Variants in EIF4G2 observed in about 807,000 individuals in gnomAD.
EIF4G2 encodes DAP-5.
In EIF4G2, 8 loss-of-function variants were observed where a neutral mutation model predicts 117.7. The ratio of observed to expected loss-of-function variants is 0.07; its 90% CI spans 0.04 to 0.12. The LOEUF (loss-of-function observed/expected upper bound fraction) is 0.12, where lower values mean the gene tolerates loss of function less well. Ranked by LOEUF, EIF4G2 falls within the 10% of genes least tolerant of loss-of-function variation. The pLI, the probability that EIF4G2 is intolerant of heterozygous loss-of-function variation, is 1.00. For synonymous variants in EIF4G2, 413 were observed against 367.8 expected, an observed-to-expected ratio of 1.12 and a Z score of -1.41; for missense variants, 812 against 1,086.2, an observed-to-expected ratio of 0.75 and a Z score of 3.55.
intron 11 of EIF4G2, 61 bp downstream of exon 11, chr11:10,802,969 A>C: frequency 6.7e-7 from 1 of 1,488,364 alleles, no homozygotes; most frequent in Non-Finnish European, 9.2e-7. Flanking sequence ...GTGAGGAGGA[A>C]ACCCATTCTA....
chr11:10,799,504 T>G, intron 19 of EIF4G2, 48 bp downstream of exon 19: 1 of 1,609,556 alleles, frequency 6.2e-7, no homozygotes, highest in Non-Finnish European at 8.5e-7. Flanking sequence ...CTACGCTTCT[T>G]TTCCAGTACA....
In EIF4G2 at chr11:10,802,388, A is replaced by G; in HGVS notation, c.1044T>C (p.Ser348=). ...TGAACGGTCCCTCCAGAAAGAAGTC[A>G]CTTCTCATCCCTTGAGCCATAGGAG... Residue 348 remains serine, a synonymous_variant, in exon 12 of 22, where the codon AGT becomes AGC. Coordinates refer to ENST00000339995, the MANE Select transcript of EIF4G2 (RefSeq NM_001418.4). The G allele has an allele frequency of 6.2e-7, 1 of 1,613,664 alleles. No homozygotes were observed. Among genetic ancestry groups the G allele is most frequent in the South Asian group, 1.1e-5 (1 of 90,974 alleles).
intron 3 of EIF4G2, 154 bp downstream of exon 3, chr11:10,806,666 C>A: frequency 1.3e-6 from 1 of 740,770 alleles, no homozygotes. Context: ...AAGGAATAAT[C>A]AGGAACTGAT....
rs1564985876 is a variant in EIF4G2, at chr11:10,807,316, G to GA, written c.-22dup. On this transcript the variant is annotated 5_prime_UTR_variant, in exon 2 of 22. Coordinates refer to ENST00000339995, the MANE Select transcript of EIF4G2 (RefSeq NM_001418.4). ...TCCACTTTGGCGGCTTGACAACGAAGAATCTTCAAAAGAATAATATTAATA... is the reference window on the plus strand; with the variant it reads ...TCCACTTTGGCGGCTTGACAACGAAGAAATCTTCAAAAGAATAATATTAATA... 6.7e-7 allele frequency: 1 copy of GA among 1,493,388 alleles called. No individual in the cohort carries two copies. The highest frequency in any genetic ancestry group is 1.4e-5 in the African/African-American group (1 of 71,262). The allele number at this position is 1,493,388 out of a possible 1,614,324, so 92.5% of individuals were successfully genotyped here.
chr11:10,801,651 G>A lies in EIF4G2; in HGVS notation c.1413+10C>T, dbSNP rs1847422019. 2.5e-6 allele frequency: 4 copies of A among 1,610,060 alleles called. No homozygotes were observed. The highest frequency in any genetic ancestry group is 1.7e-5 in the Admixed American group (1 of 59,966). On this transcript the variant is annotated intron_variant, in intron 14 of 21. Transcript: ENST00000339995. ...AAACTATGGTATATAAGTAACATAGGCAAATGTACCTCATCTGCATTAAGC... is the reference window on the plus strand; with the variant it reads ...AAACTATGGTATATAAGTAACATAGACAAATGTACCTCATCTGCATTAAGC...
chr11:10,804,647 C>T lies in EIF4G2; in HGVS notation c.352-229G>A, dbSNP rs1204744410. ...ACAATGCATTTCCAAGACCTAAATACGGTGTTTTCCACAAAAGAAAAAGAA... is the reference window on the plus strand; with the variant it reads ...ACAATGCATTTCCAAGACCTAAATATGGTGTTTTCCACAAAAGAAAAAGAA... On this transcript the variant is annotated intron_variant, in intron 5 of 21. Transcript: ENST00000339995. 49 of 618,476 alleles carry T rather than the reference C, an allele frequency of 7.9e-5. 1 individual carries two copies. Among genetic ancestry groups the T allele is most frequent in the South Asian group, 3.5e-4 (14 of 39,930 alleles). 38.3% of individuals were successfully genotyped at this position (618,476 alleles called of 1,614,324 possible).
Position 10,799,131 on chromosome 11 carries a change from A to AG in EIF4G2, c.2537-19_2537-18insC, listed in dbSNP as rs753477844. 2.5e-6 allele frequency: 4 copies of AG among 1,575,338 alleles called. No individual in the cohort carries two copies. Among genetic ancestry groups the AG allele is most frequent in the East Asian group, 4.5e-5 (2 of 44,716 alleles). ...TAACATGCCTTAAAAAAAAAAAAAA[A>AG]AAGAAAAAAGTAATAAGCCCATTAT... On this transcript the variant is annotated intron_variant, in intron 20 of 21. Coordinates refer to ENST00000339995, the MANE Select transcript of EIF4G2 (RefSeq NM_001418.4).
chr11:10,801,549 C>G, intron 14 of EIF4G2, 112 bp downstream of exon 14: 1 of 974,288 alleles, frequency 1.0e-6, no homozygotes, highest in Non-Finnish European at 1.7e-6. Flanking sequence ...GAGAGAAAAA[C>G]GTCAAGAACT....
chr11:10,805,841 GCA>G (rs796461654), intron 4 of EIF4G2, 64 bp downstream of exon 4: 63 of 1,606,460 alleles, frequency 3.9e-5, no homozygotes, highest in East Asian at 1.8e-4. Flanking sequence ...TAGTAATACA[GCA>G]CACACACCAA....
intron 1 of EIF4G2, chr11:10,807,767 TG>T: frequency 1.0e-6 from 1 of 991,368 alleles, no homozygotes; most frequent in South Asian, 4.4e-5. Flanking sequence ...AGCGACTAGA[TG>T]AGGTCTCTCC....
rs778297173 is a variant in EIF4G2 at position 10,805,912 on chromosome 11, T to C, written c.243A>G (p.Val81=). 1 of 1,614,228 alleles carries C rather than the reference T, an allele frequency of 6.2e-7. No homozygotes were observed. The highest frequency in any genetic ancestry group is 1.7e-5 in the Admixed American group (1 of 60,028). Residue 81 remains valine, a synonymous_variant, in exon 4 of 22, where the codon GTA becomes GTG. Transcript: ENST00000339995. ...AAACAGACCTTGAAACTTACCCTCT[T>C]ACTTTCCTGAAGATTGCATCATGTC... is the stretch of plus-strand genomic sequence containing the variant.
rs1554948345 is a variant in EIF4G2, at chr11:10,799,129, A to AAG, written c.2537-17_2537-16insCT. Reference sequence around the variant, plus strand: ...AGTAACATGCCTTAAAAAAAAAAAAAAAAAGAAAAAAGTAATAAGCCCATT... The same window carrying AAG: ...AGTAACATGCCTTAAAAAAAAAAAAAAGAAAAGAAAAAAGTAATAAGCCCATT... On this transcript the variant is annotated splice_polypyrimidine_tract_variant and intron_variant, in intron 20 of 21. Transcript: ENST00000339995. The AAG allele has an allele frequency of 8.9e-6, 14 of 1,576,976 alleles. No individual in the cohort carries two copies. In the South Asian group the frequency reaches 1.3e-4, roughly 15 times the overall value.
chr11:10,798,370 T>C (rs939060604), intron 21 of EIF4G2, among the ~76,000 whole-genome samples: 2 of 152,192 alleles, frequency 1.3e-5, no homozygotes, highest in African/African-American at 4.8e-5. Context: ...ATCTCCTCTT[T>C]TTAGAAAAAT....
chr11:10,799,429 AC>A lies in EIF4G2; in HGVS notation c.2325-6del. On this transcript the variant is annotated splice_polypyrimidine_tract_variant and splice_region_variant and intron_variant, in intron 19 of 21. Transcript: ENST00000339995. ...CTAGAAATGTACTGTAAGAAGCTGG[AC>A]AGAAAGAGGTCTTGTTAGAACCCAA... 4 of 1,611,426 alleles carry A rather than the reference AC, an allele frequency of 2.5e-6. No individual in the cohort carries two copies. Among genetic ancestry groups the A allele is most frequent in the Non-Finnish European group, 3.4e-6 (4 of 1,179,838 alleles).
intron 17 of EIF4G2, 38 bp downstream of exon 17, chr11:10,800,394 G>C (rs747095048): frequency 6.2e-6 from 10 of 1,612,806 alleles, no homozygotes; most frequent in Non-Finnish European, 8.5e-6. Flanking sequence ...AATTTGAGTG[G>C]TAAGAGTTCT....
rs747901460 is a variant in EIF4G2 at position 10,799,360 on chromosome 11, G to A, written c.2389C>T (p.Pro797Ser). The change falls in exon 20 of 22, where the codon CCT (proline) becomes TCT (serine). Residue 797 changes from proline (P) to serine (S), a missense_variant. By Grantham distance (74) the Pro-to-Ser change is moderately conservative. Coordinates refer to ENST00000339995, the MANE Select transcript of EIF4G2 (RefSeq NM_001418.4). ...TCCTGCTCTAACTGTTCTTTGGAAG[G>A]AGCAGAGGATGAATCTGTTTCATCG... The A allele has an allele frequency of 1.2e-6, 2 of 1,613,392 alleles. No homozygotes were observed. Among genetic ancestry groups the A allele is most frequent in the Non-Finnish European group, 8.5e-7 (1 of 1,180,026 alleles).
intron 21 of EIF4G2, among the ~76,000 whole-genome samples, chr11:10,798,592 C>A: frequency 6.6e-6 from 1 of 152,072 alleles, no homozygotes; most frequent in East Asian, 1.9e-4. Flanking sequence ...CTATGCTGCC[C>A]AGGCTGGTCT....
Position 10,800,736 on chromosome 11 carries a change from G to A in EIF4G2, c.1639C>T (p.Leu547=). ...ATGGGATATTTGAAACTTACAGTTA[G>A]TTTAAGGAGTTCTTCCTTTGACGGT... Residue 547 remains leucine (L), a synonymous_variant, in exon 16 of 22, where the codon CTA becomes TTA. Transcript: ENST00000339995. 6.2e-7 allele frequency: 1 copy of A among 1,614,162 alleles called. No individual in the cohort carries two copies. The highest frequency in any genetic ancestry group is 1.7e-5 in the Admixed American group (1 of 60,022).
intron 1 of EIF4G2, chr11:10,808,442 G>C: frequency 7.9e-7 from 1 of 1,261,700 alleles, no homozygotes; most frequent in South Asian, 1.3e-5. Flanking sequence ...CCACGGCCTC[G>C]TCCCTGCAGG....
Sources: gnomAD v4.1 joint callset for allele counts (sites outside exome capture counted in the v4.1 genomes callset) on GRCh38, gnomAD v4.1.1 for gene constraint, MANE v1.5 for transcripts, NCBI Gene and HGNC (gene_info 2026-07-23, HGNC 2026-07-21) for gene names.